Variants in ACOX3 observed in about 807,000 individuals in gnomAD.
ACOX3 encodes acyl-CoA oxidase 3, pristanoyl.
Under a neutral mutation model 81.5 loss-of-function variants are expected in ACOX3, and 73 were observed. The ratio of observed to expected loss-of-function variants is 0.90; its 90% CI spans 0.74 to 1.09. The LOEUF (loss-of-function observed/expected upper bound fraction) is 1.09, where lower values mean the gene tolerates loss of function less well. Ranked by LOEUF, ACOX3 falls within the 50% of genes least tolerant of loss-of-function variation. The pLI is 0.00. For synonymous variants in ACOX3, 387 were observed against 375.1 expected, an observed-to-expected ratio of 1.03 and a Z score of -0.37; for missense variants, 947 against 928.0, an observed-to-expected ratio of 1.02 and a Z score of -0.27.
At position 8,416,234 on chromosome 4, in the gene ACOX3, G is replaced by A. The variant is rs948266358; in HGVS notation, c.144+144C>T. 3.0e-6 allele frequency: 4 copies of A among 1,346,308 alleles called. No homozygotes were observed. The highest frequency in any genetic ancestry group is 4.2e-6 in the Non-Finnish European group (4 of 953,034). The allele number at this position is 1,346,308 out of a possible 1,614,324, so 83.4% of individuals were successfully genotyped here. A position where few individuals can be genotyped will look rare whatever the true frequency, so the allele number is the denominator to read the frequency against. Reference sequence around the variant, plus strand: ...ATCAATTCCCTGAGGCCTGTCCTGGGGTGCAGAGAGGAGAGAGGCCGCGCT... The same window carrying A: ...ATCAATTCCCTGAGGCCTGTCCTGGAGTGCAGAGAGGAGAGAGGCCGCGCT... On this transcript the variant is annotated intron_variant, in intron 2 of 17. Coordinates refer to ENST00000356406, the MANE Select transcript of ACOX3 (RefSeq NM_003501.3). The surrounding 1 kb of genome is among the most constrained non-coding windows in gnomAD (Gnocchi z 4.2).
In ACOX3 at chr4:8,402,620, G is replaced by A. The variant is rs549740754; in HGVS notation, c.777-2968C>T. ...AAAGCAAACTTCCACGAATTCTCAG[G>A]GGATCCCTTCTGTTCCACAAAAGCT... On this transcript the variant is annotated intron_variant, in intron 7 of 17. Transcript: ENST00000356406. 5.9e-5 allele frequency among the ~76,000 whole-genome samples: 9 copies of A among 152,302 alleles called. No homozygotes were observed. The East Asian group carries it at 1.7e-3, about 29-fold the overall frequency.
rs763142029 is a variant in ACOX3 at position 8,389,570 on chromosome 4, G to A, written c.1423+42C>T. 3 of 1,611,932 alleles carry A rather than the reference G, an allele frequency of 1.9e-6. No homozygotes were observed. The Admixed American group carries it at 5.0e-5, about 27-fold the overall frequency. ...GCCAGGAGAACCCACCCCTGCCCCAGTTGGGTTCCAGCGCCCCCACCAGTG... is the reference window on the plus strand; with the variant it reads ...GCCAGGAGAACCCACCCCTGCCCCAATTGGGTTCCAGCGCCCCCACCAGTG... On this transcript the variant is annotated intron_variant, in intron 12 of 17. Coordinates refer to ENST00000356406, the MANE Select transcript of ACOX3 (RefSeq NM_003501.3). This position sits in a 1 kb window ranked among gnomAD's most constrained non-coding sequence, Gnocchi z 5.3.
In ACOX3 at chr4:8,386,953, G is replaced by A. The variant is rs1274688727; in HGVS notation, c.1537+2220C>T. Among the ~76,000 whole-genome samples, 1 of 152,250 alleles carries A rather than the reference G, an allele frequency of 6.6e-6. No individual in the cohort carries two copies. Among genetic ancestry groups the A allele is most frequent in the Non-Finnish European group, 1.5e-5 (1 of 68,052 alleles). On this transcript the variant is annotated intron_variant, in intron 13 of 17. Transcript: ENST00000356406. This position sits in a 1 kb window ranked among gnomAD's most constrained non-coding sequence, Gnocchi z 5.2. Reference sequence around the variant, plus strand: ...CTGATGGCTGGAACGCGTCCTCCATGTGTGCCTGTCCCCTGCATGAGGGAG... The same window carrying A: ...CTGATGGCTGGAACGCGTCCTCCATATGTGCCTGTCCCCTGCATGAGGGAG...
At chr4:8,387,952 T>C (rs886566629) in intron 13 of ACOX3, among the ~76,000 whole-genome samples, 1 of 152,064 alleles carries the variant, frequency 6.6e-6, no homozygotes, top group Non-Finnish European at 1.5e-5. Flanking sequence ...GCAGCCAGAG[T>C]GGCCTTTTCC....
rs1263313908 is a variant in ACOX3 at position 8,416,253 on chromosome 4, C to A, written c.144+125G>T. The A allele has an allele frequency of 1.3e-6, 2 of 1,511,714 alleles. No homozygotes were observed. The highest frequency in any genetic ancestry group is 9.1e-7 in the Non-Finnish European group (1 of 1,096,156). The allele number at this position is 1,511,714 out of a possible 1,614,324, so 93.6% of individuals were successfully genotyped here. On this transcript the variant is annotated intron_variant, in intron 2 of 17. Transcript: ENST00000356406. The surrounding 1 kb of genome is among the most constrained non-coding windows in gnomAD (Gnocchi z 4.2). ...TCCTGGGGTGCAGAGAGGAGAGAGG[C>A]CGCGCTGCCTGGGATGAGCCTCGCC...
chr4:8,429,932 G>A (rs1330680684), intron 1 of ACOX3, among the ~76,000 whole-genome samples: 1 of 151,756 alleles, frequency 6.6e-6, no homozygotes, highest in African/African-American at 2.4e-5. Context: ...AGTGAAAAAA[G>A]CACAAGGAAA....
Position 8,416,541 on chromosome 4 carries a change from C to T in ACOX3, c.-14-6G>A. On this transcript the variant is annotated splice_polypyrimidine_tract_variant and splice_region_variant and intron_variant, in intron 1 of 17. Transcript: ENST00000356406. This position sits in a 1 kb window ranked among gnomAD's most constrained non-coding sequence, Gnocchi z 4.2. ...TGCCATCGCGTGATAAGAGCCTGCA[C>T]AAAACATGCAACCTGAATCCATGCT... The T allele has an allele frequency of 6.4e-7, 1 of 1,574,460 alleles. No homozygotes were observed. Among genetic ancestry groups the T allele is most frequent in the Non-Finnish European group, 8.6e-7 (1 of 1,159,478 alleles).
At position 8,385,463 on chromosome 4, in the gene ACOX3, G is replaced by A. The variant is rs1270488896; in HGVS notation, c.1537+3710C>T. ...GACCTTGCAGTCCACAAATACACAC[G>A]TGTCCGAGTAGTGAACACTGCAACT... On this transcript the variant is annotated intron_variant, in intron 13 of 17. Coordinates refer to ENST00000356406, the MANE Select transcript of ACOX3 (RefSeq NM_003501.3). The surrounding 1 kb of genome is among the most constrained non-coding windows in gnomAD (Gnocchi z 5.5). 1.3e-5 allele frequency among the ~76,000 whole-genome samples: 2 copies of A among 152,166 alleles called. No homozygotes were observed. Among genetic ancestry groups the A allele is most frequent in the Admixed American group, 1.3e-4 (2 of 15,282 alleles).
chr4:8,393,574 C>A lies in ACOX3; in HGVS notation c.1179+1046G>T, dbSNP rs1560181727. ...AATTTTTAATTTTAAAAAAGAAAGACAATTAAAAAGGAAAAACAATTAAGA... is the reference window on the plus strand; with the variant it reads ...AATTTTTAATTTTAAAAAAGAAAGAAAATTAAAAAGGAAAAACAATTAAGA... On this transcript the variant is annotated intron_variant, in intron 10 of 17. Coordinates refer to ENST00000356406, the MANE Select transcript of ACOX3 (RefSeq NM_003501.3). 1.3e-5 allele frequency among the ~76,000 whole-genome samples: 2 copies of A among 150,662 alleles called. 1 individual carries two copies. The highest frequency in any genetic ancestry group is 1.3e-4 in the Admixed American group (2 of 15,162).
chr4:8,401,078 C>T (rs540103850), intron 7 of ACOX3, among the ~76,000 whole-genome samples: 6 of 151,992 alleles, frequency 3.9e-5, no homozygotes, highest in Admixed American at 1.3e-4. Context: ...CCCTCACATG[C>T]GCAGTTCACA....
In ACOX3 at chr4:8,407,864, C is replaced by A. The variant is rs1051472633; in HGVS notation, c.688-1821G>T. On this transcript the variant is annotated intron_variant, in intron 6 of 17. Coordinates refer to ENST00000356406, the MANE Select transcript of ACOX3 (RefSeq NM_003501.3). This position sits in a 1 kb window ranked among gnomAD's most constrained non-coding sequence, Gnocchi z 4.6. ...GATTCCCAACCATGAGACGTGCCAC[C>A]TTCCCCTTCCCCACCAGGGGACACG... Among the ~76,000 whole-genome samples the A allele has an allele frequency of 6.6e-6, 1 of 152,220 alleles. No homozygotes were observed. The highest frequency in any genetic ancestry group is 6.5e-5 in the Admixed American group (1 of 15,286).
intron 17 of ACOX3, among the ~76,000 whole-genome samples, chr4:8,367,820 A>C (rs1444513221): frequency 3.7e-5 from 5 of 134,382 alleles, no homozygotes; most frequent in African/African-American, 1.6e-4. Flanking sequence ...AAAAAAAAAA[A>C]AAAAAAAAAA....
At chr4:8,413,778 G>A (rs1240913262) in intron 5 of ACOX3, among the ~76,000 whole-genome samples, 1 of 152,204 alleles carries the variant, frequency 6.6e-6, no homozygotes, top group African/African-American at 2.4e-5. Flanking sequence ...GAACTCCCAG[G>A]CAGCAGCCAC....
intron 17 of ACOX3, among the ~76,000 whole-genome samples, chr4:8,369,725 A>G (rs1406457730): frequency 6.6e-6 from 1 of 152,240 alleles, no homozygotes; most frequent in East Asian, 1.9e-4. Flanking sequence ...AGACTTCAGC[A>G]TTCCCTGAGG....
In ACOX3 at chr4:8,389,472, T is replaced by C; in HGVS notation, c.1423+140A>G. On this transcript the variant is annotated intron_variant, in intron 12 of 17. Coordinates refer to ENST00000356406, the MANE Select transcript of ACOX3 (RefSeq NM_003501.3). This position sits in a 1 kb window ranked among gnomAD's most constrained non-coding sequence, Gnocchi z 5.3. ...CTTTGCCCATGCCTTGGGGAGTTGG[T>C]CGGCACTATCTAATAACATTTCTTT... is the stretch of plus-strand genomic sequence containing the variant. 2.1e-6 allele frequency: 3 copies of C among 1,431,740 alleles called. No individual in the cohort carries two copies. In the South Asian group the frequency reaches 3.9e-5, roughly 18 times the overall value. The allele number at this position is 1,431,740 out of a possible 1,614,324, so 88.7% of individuals were successfully genotyped here. A position where few individuals can be genotyped will look rare whatever the true frequency, so the allele number is the denominator to read the frequency against.
At position 8,395,374 on chromosome 4, in the gene ACOX3, G is replaced by C. The variant is rs74527955; in HGVS notation, c.1057-632C>G. On this transcript the variant is annotated intron_variant, in intron 9 of 17. Transcript: ENST00000356406. ...TGGGTGGGTGGATGCGTGGACAGGT[G>C]GGGGGATGCGTGGACAGGTGGGGGG... is the stretch of plus-strand genomic sequence containing the variant. Among the ~76,000 whole-genome samples the C allele has an allele frequency of 8.5e-3, 1,243 of 145,586 alleles. 6 individuals are homozygous for C. The highest frequency in any genetic ancestry group is 0.031 in the South Asian group (140 of 4,516).
At chr4:8,390,339 GA>G (rs1718842501) in intron 11 of ACOX3, among the ~76,000 whole-genome samples, 1 of 147,238 alleles carries the variant, frequency 6.8e-6, no homozygotes, top group South Asian at 2.1e-4. Context: ...GCAAGACTCT[GA>G]CCAAAAAAAA....
intron 8 of ACOX3, among the ~76,000 whole-genome samples, chr4:8,398,026 C>T (rs1388538542): frequency 4.6e-5 from 7 of 152,250 alleles, no homozygotes; most frequent in Middle Eastern, 3.4e-3. Context: ...CCAGGCCTGG[C>T]GGCGGGTGCC....
In ACOX3 at chr4:8,399,670, G is replaced by A; in HGVS notation, c.777-18C>T. ...TGGCGAAACTGTGGGGAAGCAGCAG[G>A]GCTTCTGTTAAACAGGGGTCCTGCC... On this transcript the variant is annotated intron_variant, in intron 7 of 17. Transcript: ENST00000356406. The surrounding 1 kb of genome is among the most constrained non-coding windows in gnomAD (Gnocchi z 4.9). The A allele has an allele frequency of 3.7e-6, 6 of 1,609,142 alleles. No individual in the cohort carries two copies. Among genetic ancestry groups the A allele is most frequent in the Non-Finnish European group, 5.1e-6 (6 of 1,175,534 alleles).
Sources: gnomAD v4.1 joint callset for allele counts (sites outside exome capture counted in the v4.1 genomes callset) on GRCh38, gnomAD v4.1.1 for gene constraint, Gnocchi (gnomAD v3.1) non-coding constraint, MANE v1.5 for transcripts, NCBI Gene and HGNC (gene_info 2026-07-23, HGNC 2026-07-21) for gene names.